Variants in ADAM22 observed in about 807,000 individuals in gnomAD.
ADAM22 encodes the protein disintegrin and metalloproteinase domain-containing protein 22.
Under a neutral mutation model 144.6 loss-of-function variants are expected in ADAM22, and 65 were observed. That is an observed-to-expected ratio of 0.45 (90% CI 0.37 to 0.55). ADAM22 has a LOEUF of 0.55. ADAM22 is among the 20% of genes least tolerant of loss of function. ADAM22 has a pLI of 0.00. For synonymous variants in ADAM22, 391 were observed against 412.6 expected, an observed-to-expected ratio of 0.95 and a Z score of 0.63; for missense variants, 974 against 1,184.9, an observed-to-expected ratio of 0.82 and a Z score of 2.61.
intron 7 of ADAM22, among the ~76,000 whole-genome samples, chr7:88,118,058 C>G (rs181772555): frequency 6.6e-6 from 1 of 152,012 alleles, no homozygotes; most frequent in African/African-American, 2.4e-5. Context: ...ATGTTATTCC[C>G]GGTTTGTAGA....
In ADAM22 at chr7:87,935,216, C is replaced by T. The variant is rs530521711; in HGVS notation, c.246+30C>T. ...GAGGCTCGGTCCGGGAGGTGGTCCT[C>T]CGCGCCTCCCGGCCCACCCGAGACC... On this transcript the variant is annotated intron_variant, in intron 2 of 31. Transcript: ENST00000413139. 3.2e-6 allele frequency: 5 copies of T among 1,539,438 alleles called. No individual in the cohort carries two copies. In the African/African-American group the frequency reaches 5.4e-5, roughly 17 times the overall value.
chr7:88,196,707 A>G lies in ADAM22; in HGVS notation c.*216A>G. ...ACTAACCATGAAAAGAACTACTGAAATATTACACTATAACATGGAACAATA... is the reference window on the plus strand; with the variant it reads ...ACTAACCATGAAAAGAACTACTGAAGTATTACACTATAACATGGAACAATA... On this transcript the variant is annotated 3_prime_UTR_variant, in exon 32 of 32. Transcript: ENST00000413139. 1.4e-5 allele frequency: 8 copies of G among 583,528 alleles called. No individual in the cohort carries two copies. Among genetic ancestry groups the G allele is most frequent in the Non-Finnish European group, 9.2e-6 (3 of 326,024 alleles). The allele number at this position is 583,528 out of a possible 1,614,324, so 36.1% of individuals were successfully genotyped here.
At chr7:88,069,029 A>G (rs193294800) in intron 3 of ADAM22, among the ~76,000 whole-genome samples, 8 of 152,198 alleles carry the variant, frequency 5.3e-5, no homozygotes, top group Non-Finnish European at 8.8e-5. Flanking sequence ...GGCTGCACTC[A>G]CAGGCCTGGG....
chr7:88,059,597 G>A (rs191358839), intron 3 of ADAM22, among the ~76,000 whole-genome samples: 5 of 152,224 alleles, frequency 3.3e-5, no homozygotes, highest in African/African-American at 9.6e-5. Flanking sequence ...TCATAATAGC[G>A]AAAACATGGA....
chr7:88,113,119 C>CTTTT lies in ADAM22; in HGVS notation c.474-1442_474-1439dup, dbSNP rs34323035. Among the ~76,000 whole-genome samples, 43 of 79,014 alleles carry CTTTT rather than the reference C, an allele frequency of 5.4e-4. 3 individuals carry two copies. In the East Asian group the frequency reaches 0.012, roughly 22 times the overall value. The allele number at this position is 79,014 out of a possible 152,430, so 51.8% of individuals were successfully genotyped here. ...TTTCTGCATCCCCCCTGCCTGCCCT[C>CTTTT]TTTTTTTTTTTTTTTTTTTTTTTTT... On this transcript the variant is annotated intron_variant, in intron 5 of 31. Coordinates refer to ENST00000413139, the MANE Select transcript of ADAM22 (RefSeq NM_001324418.2).
At chr7:87,969,779 TTGCCAGG>T (rs1051719483) in intron 2 of ADAM22, among the ~76,000 whole-genome samples, 1 of 152,224 alleles carries the variant, frequency 6.6e-6, no homozygotes, top group African/African-American at 2.4e-5. Context: ...AAATGTCCTG[TTGCCAGG>T]CACTGTTCTA....
chr7:88,183,557 C>T (rs1042854823), intron 29 of ADAM22, among the ~76,000 whole-genome samples: 1 of 151,858 alleles, frequency 6.6e-6, no homozygotes, highest in African/African-American at 2.4e-5. Context: ...GTATAATTTC[C>T]ACTCACATTG....
intron 2 of ADAM22, among the ~76,000 whole-genome samples, chr7:87,948,030 G>T (rs1844135038): frequency 6.6e-6 from 1 of 152,046 alleles, no homozygotes; most frequent in Middle Eastern, 3.2e-3. Flanking sequence ...CTGGACAATT[G>T]TTTCTTCTCT....
chr7:88,055,040 G>A (rs940695590), intron 3 of ADAM22, among the ~76,000 whole-genome samples: 5 of 151,880 alleles, frequency 3.3e-5, no homozygotes, highest in Non-Finnish European at 5.9e-5. Flanking sequence ...CCAGTATTAC[G>A]GTCCTTAATG....
chr7:88,072,336 A>G (rs1055198150), intron 3 of ADAM22, among the ~76,000 whole-genome samples: 1 of 152,308 alleles, frequency 6.6e-6, no homozygotes, highest in Admixed American at 6.5e-5. Context: ...TTCAAAGGGA[A>G]ATGTTCCCTT....
At chr7:88,047,620 A>AT (rs1240754941) in intron 3 of ADAM22, among the ~76,000 whole-genome samples, 2 of 152,154 alleles carry the variant, frequency 1.3e-5, no homozygotes, top group Non-Finnish European at 2.9e-5. Context: ...TTAAAAAATG[A>AT]TTTTTTGTTA....
chr7:88,123,707 CT>C (rs985382394), intron 7 of ADAM22, among the ~76,000 whole-genome samples: 390 of 149,468 alleles, frequency 2.6e-3, no homozygotes, highest in African/African-American at 8.9e-3. Flanking sequence ...ATAATTTAAA[CT>C]TTTTTTTTTC....
chr7:88,147,040 T>G (rs561346494), intron 17 of ADAM22, among the ~76,000 whole-genome samples: 6 of 152,238 alleles, frequency 3.9e-5, no homozygotes, highest in South Asian at 4.1e-4. Context: ...ATCTACAAAA[T>G]GCATTTAATT....
intron 3 of ADAM22, among the ~76,000 whole-genome samples, chr7:88,024,472 G>T (rs111746616): frequency 7.9e-5 from 12 of 151,972 alleles, no homozygotes; most frequent in African/African-American, 2.9e-4. Context: ...ATGCCTGTTT[G>T]CCATTTGTAT....
chr7:88,052,919 A>G (rs943686932), intron 3 of ADAM22, among the ~76,000 whole-genome samples: 1 of 152,220 alleles, frequency 6.6e-6, no homozygotes, highest in South Asian at 2.1e-4. Context: ...AAAGTTCAGC[A>G]TGGACTTTTA....
At chr7:88,112,998 A>G (rs1280116312) in intron 5 of ADAM22, among the ~76,000 whole-genome samples, 1 of 152,118 alleles carries the variant, frequency 6.6e-6, no homozygotes, top group Admixed American at 6.6e-5. Flanking sequence ...TTGGGATTCC[A>G]GATGTGAGCC....
chr7:88,146,753 T>C (rs1352842697), intron 17 of ADAM22, among the ~76,000 whole-genome samples: 1 of 152,204 alleles, frequency 6.6e-6, no homozygotes, highest in East Asian at 1.9e-4. Flanking sequence ...CAGGCTCACT[T>C]AGCCAGTAAG....
chr7:88,184,060 G>C (rs1847743365), intron 29 of ADAM22, among the ~76,000 whole-genome samples: 1 of 151,758 alleles, frequency 6.6e-6, no homozygotes, highest in South Asian at 2.1e-4. Flanking sequence ...GGTGTTTCAG[G>C]TCCATTACTC....
chr7:87,957,892 A>G (rs1044129973), intron 2 of ADAM22, among the ~76,000 whole-genome samples: 1 of 152,066 alleles, frequency 6.6e-6, no homozygotes, highest in Non-Finnish European at 1.5e-5. Flanking sequence ...CTGTTTTCAT[A>G]CTTTCATACA....
Sources: allele counts gnomAD v4.1 joint callset (sites outside exome capture counted in the v4.1 genomes callset), GRCh38; gene constraint gnomAD v4.1.1; transcripts MANE v1.5; gene names NCBI Gene and HGNC (gene_info 2026-07-23, HGNC 2026-07-21).